The following GALNT11 variants were observed in gnomAD, a reference collection of about 807,000 sequenced individuals.
GALNT11 encodes the protein polypeptide N-acetylgalactosaminyltransferase 11.
In GALNT11, 47 loss-of-function variants were observed where a neutral mutation model predicts 72.7. The observed-to-expected ratio is 0.65, with a 90% CI of 0.51 to 0.82. GALNT11 has a LOEUF of 0.82. Among genes scored for constraint, GALNT11 ranks in the 40% least tolerant of loss-of-function variants. The pLI is 0.00. For synonymous variants in GALNT11, 270 were observed against 286.6 expected, an observed-to-expected ratio of 0.94 and a Z score of 0.58; for missense variants, 677 against 778.4, an observed-to-expected ratio of 0.87 and a Z score of 1.55.
At chr7:152,110,757 G>T (rs1001524040) in intron 7 of GALNT11, 112 bp downstream of exon 7, 5 of 827,910 alleles carry the variant, frequency 6.0e-6, no homozygotes, top group African/African-American at 5.2e-5. Context: ...TCGAGATAGG[G>T]TCTTTCTCTG....
intron 2 of GALNT11, among the ~76,000 whole-genome samples, chr7:152,098,549 C>G (rs547565393): frequency 6.6e-6 from 1 of 152,060 alleles, no homozygotes; most frequent in Non-Finnish European, 1.5e-5. Context: ...GGTTTGGCTA[C>G]AATTTTGAGT....
intron 1 of GALNT11, among the ~76,000 whole-genome samples, chr7:152,042,892 G>A (rs998512128): frequency 6.6e-5 from 10 of 152,160 alleles, no homozygotes; most frequent in African/African-American, 2.4e-4. Flanking sequence ...AAATTGAGTG[G>A]GTGGAATTGG....
At chr7:152,088,052 C>T (rs2085764613) in intron 1 of GALNT11, among the ~76,000 whole-genome samples, 2 of 152,194 alleles carry the variant, frequency 1.3e-5, no homozygotes, top group Non-Finnish European at 2.9e-5. Context: ...CTAAAGATTC[C>T]TTAACCTTAT....
At chr7:152,110,747 T>C (rs1316276055) in intron 7 of GALNT11, 102 bp downstream of exon 7, 1 of 948,514 alleles carries the variant, frequency 1.1e-6, no homozygotes, top group Non-Finnish European at 1.6e-6. Flanking sequence ...TATTTTTTTT[T>C]CGAGATAGGG....
In GALNT11 at chr7:152,106,019, T is replaced by TA. The variant is rs201469288; in HGVS notation, c.712+650dup. ...AAAATATATCTGGTTAGTCTTCAGT[T>TA]ACGTTATATTGATTCTGTTGTATTT... On this transcript the variant is annotated intron_variant, in intron 5 of 11. Transcript: ENST00000430044. Among the ~76,000 whole-genome samples the TA allele has an allele frequency of 7.5e-3, 1,143 of 152,348 alleles. 19 individuals are homozygous for TA. Among genetic ancestry groups the TA allele is most frequent in the African/African-American group, 0.027 (1,103 of 41,576 alleles).
intron 1 of GALNT11, among the ~76,000 whole-genome samples, chr7:152,033,722 A>G (rs1452586551): frequency 6.6e-6 from 1 of 152,156 alleles, no homozygotes; most frequent in African/African-American, 2.4e-5. Context: ...ACACAGGTCA[A>G]CAGATGTTTA....
intron 1 of GALNT11, among the ~76,000 whole-genome samples, chr7:152,054,544 G>A (rs1470753007): frequency 8.1e-6 from 1 of 124,204 alleles, no homozygotes; most frequent in Non-Finnish European, 1.6e-5. Flanking sequence ...GTCTCATGCT[G>A]TTTCCCTGGC....
intron 7 of GALNT11, among the ~76,000 whole-genome samples, chr7:152,112,868 G>A (rs1036067260): frequency 1.3e-5 from 2 of 151,880 alleles, no homozygotes; most frequent in South Asian, 2.1e-4. Context: ...GAGAGAACAG[G>A]TAATAAGCAC....
chr7:152,058,510 A>G (rs1415993870), intron 1 of GALNT11, among the ~76,000 whole-genome samples: 1 of 151,802 alleles, frequency 6.6e-6, no homozygotes, highest in South Asian at 2.1e-4. Context: ...ATTTTTTTGT[A>G]TTTTTAGTAG....
chr7:152,104,162 C>A (rs1256746799), intron 4 of GALNT11: 1 of 152,194 alleles, frequency 6.6e-6, no homozygotes, highest in Non-Finnish European at 1.5e-5. Context: ...GCTGGAAGCC[C>A]ATTTTATAGA....
At chr7:152,033,554 G>T (rs2082408943) in intron 1 of GALNT11, among the ~76,000 whole-genome samples, 1 of 152,184 alleles carries the variant, frequency 6.6e-6, no homozygotes, top group South Asian at 2.1e-4. Flanking sequence ...ACAATCAATT[G>T]ACTCTCAAGT....
chr7:152,064,338 C>G (rs1416814985), intron 1 of GALNT11, among the ~76,000 whole-genome samples: 2 of 152,108 alleles, frequency 1.3e-5, no homozygotes. Flanking sequence ...TTATTTTGAG[C>G]CTATGTGTGT....
intron 1 of GALNT11, among the ~76,000 whole-genome samples, chr7:152,077,867 A>G (rs2085076938): frequency 6.6e-6 from 1 of 152,148 alleles, no homozygotes; most frequent in African/African-American, 2.4e-5. Context: ...ACGCTAAAGC[A>G]TATGTTTATT....
intron 1 of GALNT11, among the ~76,000 whole-genome samples, chr7:152,093,197 C>T (rs986711531): frequency 6.6e-5 from 10 of 151,116 alleles, no homozygotes; most frequent in Admixed American, 1.3e-4. Flanking sequence ...CCACTTTACT[C>T]CAGCCTGGGT....
In GALNT11 at chr7:152,036,768, G is replaced by A. The variant is rs922011180; in HGVS notation, c.-39+10884G>A. Among the ~76,000 whole-genome samples, 12 of 152,056 alleles carry A rather than the reference G, an allele frequency of 7.9e-5. 1 individual carries two copies. Among genetic ancestry groups the A allele is most frequent in the African/African-American group, 2.9e-4 (12 of 41,392 alleles). ...ATCATTCATTATTGCCTGTCTTTTG[G>A]ATATAAGCCATTTTAACTGGGGTGA... On this transcript the variant is annotated intron_variant, in intron 1 of 11. Coordinates refer to ENST00000430044, the MANE Select transcript of GALNT11 (RefSeq NM_022087.4).
chr7:152,118,606 G>T, intron 9 of GALNT11, 72 bp from the exon 10 acceptor site: 1 of 1,382,922 alleles, frequency 7.2e-7, no homozygotes, highest in South Asian at 1.3e-5. Flanking sequence ...CATTTTGCCT[G>T]GAACCACCTC....
At chr7:152,035,323 A>G (rs1311506399) in intron 1 of GALNT11, among the ~76,000 whole-genome samples, 1 of 152,214 alleles carries the variant, frequency 6.6e-6, no homozygotes, top group Non-Finnish European at 1.5e-5. Flanking sequence ...AGAAACTAGA[A>G]AAGCACCAGA....
chr7:152,108,149 ACAT>A lies in GALNT11; in HGVS notation c.830_832del (p.Ile277del), dbSNP rs2087789994. 1 of 1,613,970 alleles carries A rather than the reference ACAT, an allele frequency of 6.2e-7. No individual in the cohort carries two copies. The highest frequency in any genetic ancestry group is 1.7e-5 in the Admixed American group (1 of 59,996). ...CACACCGTGGTGTGCCCAGTGATTG[ACAT>A]CATCAGCGCCGACACGCTGGCCTAC... On this transcript the variant is annotated inframe_deletion, in exon 6 of 12. Coordinates refer to ENST00000430044, the MANE Select transcript of GALNT11 (RefSeq NM_022087.4).
intron 1 of GALNT11, among the ~76,000 whole-genome samples, chr7:152,056,320 G>T (rs898378652): frequency 6.6e-6 from 1 of 152,184 alleles, no homozygotes; most frequent in Non-Finnish European, 1.5e-5. Flanking sequence ...TTTACCCAAT[G>T]GATGTTAATA....
Sources: gnomAD v4.1 joint callset for allele counts (sites outside exome capture counted in the v4.1 genomes callset) on GRCh38, gnomAD v4.1.1 for gene constraint, MANE v1.5 for transcripts, NCBI Gene and HGNC (gene_info 2026-07-23, HGNC 2026-07-21) for gene names.